The following IQGAP2 variants were observed in gnomAD, a reference collection of about 807,000 sequenced individuals.
IQGAP2 encodes the protein IQ motif containing GTPase activating protein 2, also known as ras GTPase-activating-like protein IQGAP2.
In IQGAP2, 173 loss-of-function variants were observed where a neutral mutation model predicts 201.3. The ratio of observed to expected loss-of-function variants is 0.86; its 90% CI spans 0.76 to 0.98. The LOEUF is 0.98. Among genes scored for constraint, IQGAP2 ranks in the 50% least tolerant of loss-of-function variants. IQGAP2 has a pLI of 0.00. For synonymous variants in IQGAP2, 675 were observed against 673.9 expected (o/e 1.00, Z -0.03); for missense variants, 1,687 against 1,864.8 (o/e 0.90, Z 1.76).
At chr5:76,667,642 C>T (rs1365637048) in intron 22 of IQGAP2, among the ~76,000 whole-genome samples, 1 of 152,108 alleles carries the variant, frequency 6.6e-6, no homozygotes, top group Non-Finnish European at 1.5e-5. Context: ...TTGTTTTTTG[C>T]TCATGGTCTT....
chr5:76,557,346 T>A (rs140401636), intron 2 of IQGAP2, among the ~76,000 whole-genome samples: 2 of 152,250 alleles, frequency 1.3e-5, no homozygotes, highest in African/African-American at 4.8e-5. Flanking sequence ...TCTGATAGCA[T>A]CTCTTCCTTA....
At chr5:76,618,186 T>C (rs1450013852) in intron 13 of IQGAP2, 4 of 1,614,006 alleles carry the variant, frequency 2.5e-6, no homozygotes. Context: ...CATGTTGCCA[T>C]AGAAGATGAC....
intron 2 of IQGAP2, among the ~76,000 whole-genome samples, chr5:76,472,212 A>G (rs1243992160): frequency 6.6e-6 from 1 of 152,200 alleles, no homozygotes; most frequent in Non-Finnish European, 1.5e-5. Flanking sequence ...GCACATCCCA[A>G]TGGCAGGGAG....
intron 16 of IQGAP2, among the ~76,000 whole-genome samples, chr5:76,640,103 G>T (rs1252970031): frequency 6.9e-6 from 1 of 145,674 alleles, no homozygotes; most frequent in Non-Finnish European, 1.5e-5. Flanking sequence ...ATAAAAAATT[G>T]TATTTATTCT....
chr5:76,657,126 C>T (rs895820521), intron 20 of IQGAP2, among the ~76,000 whole-genome samples: 3 of 152,004 alleles, frequency 2.0e-5, no homozygotes, highest in Middle Eastern at 3.4e-3. Context: ...ATATTAAATT[C>T]GAGCCATAAC....
At chr5:76,682,920 A>G (rs1256551082) in intron 28 of IQGAP2, among the ~76,000 whole-genome samples, 195 bp from the exon 29 acceptor site, 1 of 152,134 alleles carries the variant, frequency 6.6e-6, no homozygotes, top group East Asian at 1.9e-4. Flanking sequence ...TCTTGCAACA[A>G]TTTCTTGATG....
At chr5:76,623,648 T>C (rs1162622175) in intron 13 of IQGAP2, among the ~76,000 whole-genome samples, 1 of 152,236 alleles carries the variant, frequency 6.6e-6, no homozygotes, top group African/African-American at 2.4e-5. Context: ...CACATTTCAT[T>C]TCTTATCCGT....
chr5:76,559,755 C>T (rs1744226935), intron 2 of IQGAP2, among the ~76,000 whole-genome samples: 1 of 152,128 alleles, frequency 6.6e-6, no homozygotes, highest in African/African-American at 2.4e-5. Flanking sequence ...GTGGTCTCCC[C>T]AGGTCTGCGT....
chr5:76,570,036 G>C (rs1745005429), intron 3 of IQGAP2, among the ~76,000 whole-genome samples: 1 of 152,180 alleles, frequency 6.6e-6, no homozygotes, highest in Non-Finnish European at 1.5e-5. Context: ...GGTTAAATTA[G>C]AAGAATCAAT....
At chr5:76,587,479 G>C (rs937903146) in intron 5 of IQGAP2, among the ~76,000 whole-genome samples, 3 of 152,074 alleles carry the variant, frequency 2.0e-5, no homozygotes, top group African/African-American at 7.2e-5. Context: ...TCATATTCTA[G>C]AATAATATAT....
At chr5:76,412,705 A>G (rs768495588) in intron 1 of IQGAP2, among the ~76,000 whole-genome samples, 12 of 152,194 alleles carry the variant, frequency 7.9e-5, no homozygotes, top group African/African-American at 1.9e-4. Context: ...TTTGCATAAC[A>G]TGTCTATACT....
At chr5:76,650,716 GCGCCCA>G (rs1205754090) in intron 17 of IQGAP2, among the ~76,000 whole-genome samples, 1 of 152,116 alleles carries the variant, frequency 6.6e-6, no homozygotes, top group Non-Finnish European at 1.5e-5. Flanking sequence ...TTGGTTTGCT[GCGCCCA>G]CTAACTCGTC....
In IQGAP2 at chr5:76,673,981, T is replaced by G; in HGVS notation, c.3239T>G (p.Leu1080Arg). Residue 1080 changes from leucine to arginine, a missense_variant, in exon 26 of 36, where the codon CTG (leucine) becomes CGG (arginine). Transcript: ENST00000274364. ...PYGLRYIAKV[L>R]KNSIHEKFPD... is the part of the protein sequence containing the mutation. ...GGATTGAGGTATATAGCCAAAGTAC[T>G]GAAGAATTCGATCCATGAGAAATTC... 2 of 1,606,856 alleles carry G rather than the reference T, an allele frequency of 1.2e-6. No homozygotes were observed. Among genetic ancestry groups the G allele is most frequent in the Non-Finnish European group, 1.7e-6 (2 of 1,173,466 alleles).
At chr5:76,632,814 G>GA (rs56875301) in intron 15 of IQGAP2, among the ~76,000 whole-genome samples, 2,868 of 148,962 alleles carry the variant, frequency 0.019, 103 homozygotes, top group African/African-American at 0.066. Context: ...AGAGCTTAAG[G>GA]AAAAAAAAAA....
At chr5:76,519,332 A>C (rs141182573) in intron 2 of IQGAP2, among the ~76,000 whole-genome samples, 18 of 152,332 alleles carry the variant, frequency 1.2e-4, no homozygotes, top group African/African-American at 4.3e-4. Flanking sequence ...TAAGACTGGC[A>C]GCCTTTATTC....
At chr5:76,499,077 T>G (rs943882552) in intron 2 of IQGAP2, among the ~76,000 whole-genome samples, 2 of 152,360 alleles carry the variant, frequency 1.3e-5, no homozygotes, top group Admixed American at 1.3e-4. Flanking sequence ...CTTCCATTAC[T>G]GTGACATCAA....
chr5:76,662,190 A>C (rs531594433), intron 21 of IQGAP2, among the ~76,000 whole-genome samples: 1 of 152,280 alleles, frequency 6.6e-6, no homozygotes, highest in South Asian at 2.1e-4. Context: ...GGCTATCCCC[A>C]TTGCTGTGCC....
chr5:76,475,458 T>C (rs1466104646), intron 2 of IQGAP2, among the ~76,000 whole-genome samples: 1 of 152,184 alleles, frequency 6.6e-6, no homozygotes, highest in African/African-American at 2.4e-5. Flanking sequence ...CATTCCAAAC[T>C]GAAGAAGCTT....
At chr5:76,435,948 G>GTTTA (rs988733383) in intron 1 of IQGAP2, among the ~76,000 whole-genome samples, 4 of 148,686 alleles carry the variant, frequency 2.7e-5, no homozygotes, top group Non-Finnish European at 5.9e-5. Context: ...TTGTTTGTTT[G>GTTTA]TTTGTTTTTT....
Sources: allele counts gnomAD v4.1 joint callset (sites outside exome capture counted in the v4.1 genomes callset), GRCh38; gene constraint gnomAD v4.1.1; transcripts MANE v1.5; gene names NCBI Gene and HGNC (gene_info 2026-07-23, HGNC 2026-07-21).